The following CSMD1 variants were observed in gnomAD, a reference collection of about 807,000 sequenced individuals.
CSMD1 encodes the protein CUB and Sushi multiple domains 1, also known as CUB and sushi domain-containing protein 1.
In CSMD1, 213 loss-of-function variants were observed where a neutral mutation model predicts 417.5. The ratio of observed to expected loss-of-function variants is 0.51; its 90% confidence interval spans 0.46 to 0.57. CSMD1 has a LOEUF of 0.57. Ranked by LOEUF, CSMD1 falls within the 20% of genes least tolerant of loss-of-function variation. CSMD1 has a pLI of 0.00. For synonymous variants in CSMD1, 2,862 were observed against 1,736.8 expected (o/e 1.65, Z -16.11); for missense variants, 6,923 against 4,529.7 (o/e 1.53, Z -15.17).
intron 8 of CSMD1, among the ~76,000 whole-genome samples, chr8:3,608,899 C>T (rs1003054956): frequency 1.3e-5 from 2 of 152,130 alleles, no homozygotes; most frequent in African/African-American, 4.8e-5. Context: ...TTCTGCTCAG[C>T]ATATGCAATG....
intron 1 of CSMD1, among the ~76,000 whole-genome samples, chr8:4,933,534 A>G (rs566242678): frequency 1.3e-5 from 2 of 152,326 alleles, no homozygotes; most frequent in East Asian, 3.9e-4. Flanking sequence ...GACAGAGAGA[A>G]AAATACTTTC....
At chr8:3,645,565 A>G (rs1031290319) in intron 7 of CSMD1, among the ~76,000 whole-genome samples, 1 of 152,178 alleles carries the variant, frequency 6.6e-6, no homozygotes, top group African/African-American at 2.4e-5. Flanking sequence ...GGGAAGTGTC[A>G]GTCTTCTGCA....
chr8:4,565,482 A>T (rs1798548926), intron 2 of CSMD1, among the ~76,000 whole-genome samples: 1 of 152,076 alleles, frequency 6.6e-6, no homozygotes, highest in Admixed American at 6.6e-5. Flanking sequence ...TCACACCTGT[A>T]ATCCCAGCAC....
At chr8:3,548,061 G>C (rs10104947) in intron 10 of CSMD1, among the ~76,000 whole-genome samples, 3,492 of 152,214 alleles carry the variant, frequency 0.023, 120 homozygotes, top group African/African-American at 0.079. Flanking sequence ...AAGTAGGACA[G>C]TATTTTGACC....
intron 3 of CSMD1, among the ~76,000 whole-genome samples, chr8:4,213,804 G>A (rs912531632): frequency 6.6e-6 from 1 of 152,102 alleles, no homozygotes; most frequent in Non-Finnish European, 1.5e-5. Context: ...AAACTAACTT[G>A]CATTGAGAAA....
At chr8:3,053,168 T>C (rs1017887011) in intron 49 of CSMD1, among the ~76,000 whole-genome samples, 8 of 152,034 alleles carry the variant, frequency 5.3e-5, no homozygotes, top group African/African-American at 1.9e-4. Flanking sequence ...CAATGGAAAA[T>C]GGGTCAGAAT....
intron 3 of CSMD1, among the ~76,000 whole-genome samples, chr8:4,219,260 T>A (rs1800875160): frequency 6.6e-6 from 1 of 152,238 alleles, no homozygotes; most frequent in South Asian, 2.1e-4. Context: ...GTTACCACTT[T>A]ACAAATATGT....
intron 69 of CSMD1, among the ~76,000 whole-genome samples, chr8:2,939,300 C>G (rs762793057): frequency 6.6e-6 from 1 of 152,236 alleles, no homozygotes; most frequent in East Asian, 1.9e-4. Flanking sequence ...TATGCTTACA[C>G]TAAATTTCAA....
At chr8:4,165,138 T>C (rs919561867) in intron 3 of CSMD1, among the ~76,000 whole-genome samples, 2 of 152,174 alleles carry the variant, frequency 1.3e-5, no homozygotes, top group Admixed American at 6.5e-5. Context: ...GACAGGTATC[T>C]ATATTTCAGC....
chr8:4,440,018 A>G (rs761479428), intron 2 of CSMD1, among the ~76,000 whole-genome samples: 1 of 152,154 alleles, frequency 6.6e-6, no homozygotes, highest in Non-Finnish European at 1.5e-5. Context: ...TAATTTTCCT[A>G]AGAGTTAAGA....
intron 3 of CSMD1, among the ~76,000 whole-genome samples, chr8:4,090,143 A>G (rs964635303): frequency 2.0e-5 from 3 of 152,182 alleles, no homozygotes; most frequent in Non-Finnish European, 2.9e-5. Flanking sequence ...AATAGAATAC[A>G]GTCTTAATTG....
chr8:3,243,003 G>A (rs533175730), intron 26 of CSMD1, among the ~76,000 whole-genome samples: 4 of 152,208 alleles, frequency 2.6e-5, no homozygotes, highest in Admixed American at 6.5e-5. Context: ...CGTGACCAGC[G>A]CCGGAGTTTT....
intron 5 of CSMD1, among the ~76,000 whole-genome samples, chr8:3,903,134 G>C (rs778532707): frequency 6.6e-6 from 1 of 152,026 alleles, no homozygotes. Flanking sequence ...TGGCACTTTG[G>C]AGAAACCTGT....
At chr8:3,584,860 C>T (rs948469647) in intron 9 of CSMD1, among the ~76,000 whole-genome samples, 1 of 152,144 alleles carries the variant, frequency 6.6e-6, no homozygotes, top group East Asian at 1.9e-4. Flanking sequence ...GCTTGTGCAT[C>T]ACCAGCCCTA....
intron 7 of CSMD1, among the ~76,000 whole-genome samples, chr8:3,657,670 G>A (rs933701191): frequency 6.6e-6 from 1 of 152,080 alleles, no homozygotes; most frequent in Admixed American, 6.5e-5. Context: ...ACAAGGAAGG[G>A]AACATCACAC....
intron 7 of CSMD1, among the ~76,000 whole-genome samples, chr8:3,634,696 G>C (rs757446246): frequency 7.2e-6 from 1 of 139,010 alleles, no homozygotes; most frequent in Non-Finnish European, 1.5e-5. Flanking sequence ...TGAAAGGTGT[G>C]ATTAGAACTG....
chr8:4,271,989 T>C (rs1804629393), intron 3 of CSMD1, among the ~76,000 whole-genome samples: 1 of 152,164 alleles, frequency 6.6e-6, no homozygotes, highest in African/African-American at 2.4e-5. Flanking sequence ...TAGATGGATT[T>C]CACATCCCCG....
intron 1 of CSMD1, among the ~76,000 whole-genome samples, chr8:4,726,330 CT>C (rs1337072043): frequency 6.6e-6 from 1 of 151,482 alleles, no homozygotes; most frequent in Non-Finnish European, 1.5e-5. Context: ...AAAAAAAAAG[CT>C]TTTTGTATTC....
intron 10 of CSMD1, among the ~76,000 whole-genome samples, chr8:3,562,664 G>A (rs1283352797): frequency 6.6e-6 from 1 of 151,760 alleles, no homozygotes; most frequent in Non-Finnish European, 1.5e-5. Flanking sequence ...TTTATCCACT[G>A]GGAATTTAAA....
Sources: gnomAD v4.1 joint callset for allele counts (sites outside exome capture counted in the v4.1 genomes callset) on GRCh38, gnomAD v4.1.1 for gene constraint, MANE v1.5 for transcripts, NCBI Gene and HGNC (gene_info 2026-07-23, HGNC 2026-07-21) for gene names.